The following RGS17 variants were observed in gnomAD, a reference collection of about 807,000 sequenced individuals.
The protein encoded by RGS17 is regulator of G-protein signaling 17.
Under a neutral mutation model 25.5 loss-of-function variants are expected in RGS17, and 12 were observed. The observed-to-expected ratio is 0.47, with a 90% CI of 0.30 to 0.76. The LOEUF (loss-of-function observed/expected upper bound fraction) is 0.76. Among genes scored for constraint, RGS17 ranks in the 30% least tolerant of loss-of-function variants. The probability of loss-of-function intolerance (pLI) is 0.07; values close to 1 mark genes in which losing one functional copy is unlikely to be tolerated. For synonymous variants in RGS17, 71 were observed against 76.9 expected (o/e 0.92, Z 0.40); for missense variants, 196 against 242.2 (o/e 0.81, Z 1.27).
At chr6:153,085,873 G>T (rs1253315664) in intron 1 of RGS17, among the ~76,000 whole-genome samples, 3 of 152,098 alleles carry the variant, frequency 2.0e-5, no homozygotes, top group Non-Finnish European at 2.9e-5. Context: ...AGATTTAAAT[G>T]ACTTTATTTA....
At chr6:153,025,819 A>G (rs1015153518) in intron 3 of RGS17, among the ~76,000 whole-genome samples, 10 of 151,604 alleles carry the variant, frequency 6.6e-5, no homozygotes, top group Non-Finnish European at 1.3e-4. Context: ...AGGTATTTCA[A>G]ATAGATTGTT....
chr6:153,071,365 T>A (rs575446000), intron 1 of RGS17, among the ~76,000 whole-genome samples: 1 of 152,132 alleles, frequency 6.6e-6, no homozygotes, highest in South Asian at 2.1e-4. Flanking sequence ...CAGCTATTCA[T>A]ATTGTCATCA....
intron 1 of RGS17, among the ~76,000 whole-genome samples, chr6:153,074,534 G>A (rs1268855837): frequency 6.6e-6 from 1 of 152,152 alleles, no homozygotes; most frequent in Non-Finnish European, 1.5e-5. Flanking sequence ...GTTGGAAATC[G>A]CTGGAACTCT....
intron 2 of RGS17, among the ~76,000 whole-genome samples, chr6:153,035,334 G>C (rs1776225724): frequency 6.6e-6 from 1 of 152,000 alleles, no homozygotes; most frequent in Non-Finnish European, 1.5e-5. Flanking sequence ...ACCCAGTCCA[G>C]CATGATTATT....
At chr6:153,028,651 A>G (rs1229958689) in intron 2 of RGS17, among the ~76,000 whole-genome samples, 1 of 152,190 alleles carries the variant, frequency 6.6e-6, no homozygotes, top group Non-Finnish European at 1.5e-5. Context: ...CTGTATATAT[A>G]AAATGTACAA....
chr6:153,107,832 T>C (rs1335899729), intron 1 of RGS17, among the ~76,000 whole-genome samples: 1 of 152,220 alleles, frequency 6.6e-6, no homozygotes, highest in Admixed American at 6.5e-5. Context: ...ACATTCAGAT[T>C]CTTTTCTTTC....
chr6:153,066,781 C>T (rs1013281503), intron 1 of RGS17, among the ~76,000 whole-genome samples: 1 of 152,120 alleles, frequency 6.6e-6, no homozygotes, highest in Non-Finnish European at 1.5e-5. Context: ...GTGGCTCACA[C>T]CTGTAATCCC....
intron 1 of RGS17, among the ~76,000 whole-genome samples, chr6:153,078,040 A>G (rs1776911918): frequency 6.6e-6 from 1 of 151,874 alleles, no homozygotes; most frequent in African/African-American, 2.4e-5. Context: ...CGTCTGGCTT[A>G]TTTTTGTATT....
At chr6:153,041,654 A>G (rs528899578) in intron 2 of RGS17, among the ~76,000 whole-genome samples, 1 of 152,354 alleles carries the variant, frequency 6.6e-6, no homozygotes, top group African/African-American at 2.4e-5. Flanking sequence ...GCTAAGGAAA[A>G]TCATATACCG....
rs1217064109 is a variant in RGS17, at chr6:153,130,477, TACAC to T, written c.-26+643_-26+646del. 1.3e-4 allele frequency among the ~76,000 whole-genome samples: 16 copies of T among 118,724 alleles called. No homozygotes were observed. Among genetic ancestry groups the T allele is most frequent in the African/African-American group, 5.7e-4 (16 of 28,060 alleles). The allele number at this position is 118,724 out of a possible 152,430, so 77.9% of individuals were successfully genotyped here. ...AGACCCCCCACCCCCTATACATACA[TACAC>T]ATACACACACACACACACACACACA... is the stretch of plus-strand genomic sequence containing the variant. On this transcript the variant is annotated intron_variant, in intron 1 of 4. Coordinates refer to ENST00000206262, the MANE Select transcript of RGS17 (RefSeq NM_012419.5). The surrounding 1 kb of genome is among the most constrained non-coding windows in gnomAD (Gnocchi z 6.4).
intron 1 of RGS17, among the ~76,000 whole-genome samples, chr6:153,088,706 T>G (rs1051363251): frequency 2.0e-5 from 3 of 152,078 alleles, no homozygotes; most frequent in African/African-American, 7.2e-5. Flanking sequence ...GCATGAGAGA[T>G]TCCTTATTTG....
intron 1 of RGS17, among the ~76,000 whole-genome samples, chr6:153,056,012 A>C (rs189204589): frequency 6.6e-6 from 1 of 152,356 alleles, no homozygotes; most frequent in East Asian, 1.9e-4. Context: ...AGGATGGGAG[A>C]AACATGGTTT....
chr6:153,051,165 GC>G (rs1776457453), intron 1 of RGS17, among the ~76,000 whole-genome samples: 1 of 152,184 alleles, frequency 6.6e-6, no homozygotes, highest in Non-Finnish European at 1.5e-5. Flanking sequence ...TATTATAGCA[GC>G]CCAAACTAAG....
At chr6:153,047,498 G>C (rs1776400295) in intron 1 of RGS17, among the ~76,000 whole-genome samples, 1 of 152,210 alleles carries the variant, frequency 6.6e-6, no homozygotes, top group Non-Finnish European at 1.5e-5. Flanking sequence ...ACAATGGACA[G>C]AATTTGCCCT....
chr6:153,035,620 A>G (rs1776230951), intron 2 of RGS17, among the ~76,000 whole-genome samples: 1 of 152,218 alleles, frequency 6.6e-6, no homozygotes, highest in Non-Finnish European at 1.5e-5. Context: ...TCATTTTTGC[A>G]TTATTGATTG....
chr6:153,029,249 G>C (rs949245101), intron 2 of RGS17, among the ~76,000 whole-genome samples: 6 of 152,216 alleles, frequency 3.9e-5, no homozygotes, highest in African/African-American at 1.4e-4. Flanking sequence ...CAGACAAATT[G>C]TCCTTTTTAT....
In RGS17 at chr6:153,127,285, C is replaced by A. The variant is rs1052550930; in HGVS notation, c.-26+3839G>T. ...CCGTCTGCAGCTCAGGGGTTGGGGACCCCTGTTCTAGAATATGATTCAAAT... is the reference window on the plus strand; with the variant it reads ...CCGTCTGCAGCTCAGGGGTTGGGGAACCCTGTTCTAGAATATGATTCAAAT... On this transcript the variant is annotated intron_variant, in intron 1 of 4. Transcript: ENST00000206262. 2.0e-5 allele frequency among the ~76,000 whole-genome samples: 3 copies of A among 152,150 alleles called. No individual in the cohort carries two copies. In the East Asian group the frequency reaches 5.8e-4, roughly 29 times the overall value.
intron 4 of RGS17, among the ~76,000 whole-genome samples, chr6:153,021,258 C>T (rs994254053): frequency 9.2e-5 from 14 of 152,102 alleles, no homozygotes; most frequent in Admixed American, 2.0e-4. Context: ...GCTCTAATTC[C>T]GGTATAATCA....
intron 1 of RGS17, among the ~76,000 whole-genome samples, chr6:153,114,380 G>A (rs920443793): frequency 1.3e-4 from 20 of 152,140 alleles, no homozygotes; most frequent in African/African-American, 4.8e-4. Flanking sequence ...GACTAAACCA[G>A]AAAGAAGTCT....
Sources: gnomAD v4.1 joint callset for allele counts (sites outside exome capture counted in the v4.1 genomes callset) on GRCh38, gnomAD v4.1.1 for gene constraint, Gnocchi (gnomAD v3.1) non-coding constraint, MANE v1.5 for transcripts, NCBI Gene and HGNC (gene_info 2026-07-23, HGNC 2026-07-21) for gene names.